TMEM26: variants seen among roughly 807,000 people sequenced by gnomAD.
TMEM26 encodes the protein transmembrane protein 26.
A neutral mutation model predicts 28.8 loss-of-function variants in TMEM26; 38 were observed. The ratio of observed to expected loss-of-function variants is 1.32; its 90% CI spans 1.02 to 1.73. The LOEUF is 1.73. Among genes scored for constraint, TMEM26 ranks in the 40% most tolerant of loss-of-function variants. TMEM26 has a pLI of 0.00. For missense variants in TMEM26, 518 were observed against 447.1 expected (o/e 1.16, Z -1.43); for synonymous variants, 227 against 182.9 (o/e 1.24, Z -1.95).
In TMEM26 at chr10:61,428,944, A is replaced by G. The variant is rs1321636784; in HGVS notation, c.587T>C (p.Leu196Pro). The change falls in exon 4 of 6, where the codon CTA (leucine) becomes CCA (proline). Residue 196 changes from leucine to proline, a missense_variant. Transcript: ENST00000399298. The stretch of plus-strand genomic sequence containing the variant: ...TGCTCACCTCACATTTTGTTCTTCT[A>G]GGGTCTCACTTGTGAATTCCAGTAT... ...ADILEFTSET[L>P]EEQNVRNSPA... 1 of 1,612,900 alleles carries G rather than the reference A, an allele frequency of 6.2e-7. No individual in the cohort carries two copies. Among genetic ancestry groups the G allele is most frequent in the South Asian group, 1.1e-5 (1 of 91,078 alleles).
chr10:61,413,895 G>A, intron 4 of TMEM26: 1 of 992,038 alleles, frequency 1.0e-6, no homozygotes, highest in South Asian at 4.7e-5. Flanking sequence ...AGGAATGTCA[G>A]TGGGAGGATT....
Position 61,436,201 on chromosome 10 carries a change from A to G in TMEM26, c.239T>C (p.Leu80Ser). The change falls in exon 2 of 6, where the codon TTA becomes TCA. Residue 80 changes from leucine (L) to serine (S), a missense_variant. Leu to Ser is a moderately radical substitution (Grantham distance 145). Coordinates refer to ENST00000399298, the MANE Select transcript of TMEM26 (RefSeq NM_178505.8). ...CTCATGGTGCAATTCAAGAAGCCAT[A>G]ATGATGGAACGATGCTAATCAGATA... ...FLYLISIVPS[L>S]WLLELHHETQ... 2 of 1,610,816 alleles carry G rather than the reference A, an allele frequency of 1.2e-6. No homozygotes were observed. Among genetic ancestry groups the G allele is most frequent in the South Asian group, 1.1e-5 (1 of 90,378 alleles).
At chr10:61,430,184 T>C (rs1461252725) in intron 3 of TMEM26, among the ~76,000 whole-genome samples, 3 of 152,040 alleles carry the variant, frequency 2.0e-5, no homozygotes, top group African/African-American at 4.8e-5. Context: ...AGAGAGAAAC[T>C]AAGCGATTGT....
chr10:61,410,420 G>A lies in TMEM26; in HGVS notation c.1009C>T (p.Pro337Ser), dbSNP rs1839549480. 1 of 1,613,872 alleles carries A rather than the reference G, an allele frequency of 6.2e-7. No individual in the cohort carries two copies. The highest frequency in any genetic ancestry group is 1.3e-5 in the African/African-American group (1 of 74,840). Residue 337 changes from proline to serine, a missense_variant, in exon 6 of 6, where the codon CCC (proline) becomes TCC (serine). Pro to Ser is a moderately conservative substitution (Grantham distance 74). Transcript: ENST00000399298. ...TCGTTCTGCCAGTCCCGCTGAGAGG[G>A]CCCACTCTCAGAGGTCTGTGCCCGG... Reference protein sequence around the residue: ...GCRAQTSESGPSQRDWQNESK... With the variant: ...GCRAQTSESGSSQRDWQNESK...
intron 1 of TMEM26, among the ~76,000 whole-genome samples, chr10:61,446,817 C>CAAAAAAAAAAAAA (rs34030340): frequency 3.8e-4 from 13 of 33,948 alleles, no homozygotes; most frequent in South Asian, 2.3e-3. Context: ...GACTCCATCT[C>CAAAAAAAAAAAAA]AAAAAAAAAA....
At chr10:61,442,715 A>T (rs931904385) in intron 1 of TMEM26, among the ~76,000 whole-genome samples, 1 of 152,160 alleles carries the variant, frequency 6.6e-6, no homozygotes, top group Non-Finnish European at 1.5e-5. Context: ...CCAGGTCATG[A>T]TATTCTTTTC....
Position 61,447,391 on chromosome 10 carries a change from T to C in TMEM26, c.191+5500A>G, listed in dbSNP as rs187832765. 5.2e-3 allele frequency among the ~76,000 whole-genome samples: 789 copies of C among 152,380 alleles called. 6 individuals are homozygous for C. The highest frequency in any genetic ancestry group is 9.0e-3 in the Admixed American group (138 of 15,308). ...TCACACAGTATGCATCTGTCAAGTCTAGGTTTTCAATTTCACTGCTGAACT... is the reference window on the plus strand; with the variant it reads ...TCACACAGTATGCATCTGTCAAGTCCAGGTTTTCAATTTCACTGCTGAACT... On this transcript the variant is annotated intron_variant, in intron 1 of 5. Transcript: ENST00000399298.
At chr10:61,445,234 G>C (rs1840160346) in intron 1 of TMEM26, among the ~76,000 whole-genome samples, 1 of 152,126 alleles carries the variant, frequency 6.6e-6, no homozygotes, top group Non-Finnish European at 1.5e-5. Flanking sequence ...CTAGTATTAA[G>C]AGACTGTCTG....
At position 61,429,009 on chromosome 10, in the gene TMEM26, G is replaced by C; in HGVS notation, c.522C>G (p.Leu174=). 1 of 1,613,324 alleles carries C rather than the reference G, an allele frequency of 6.2e-7. No individual in the cohort carries two copies. Among genetic ancestry groups the C allele is most frequent in the Middle Eastern group, 1.7e-4 (1 of 6,060 alleles). The change falls in exon 4 of 6, where the codon CTC becomes CTG. Residue 174 remains leucine, a synonymous_variant. Transcript: ENST00000399298. ...PIGGGITRDQ[L]SQLLLMFVGT... is the part of the protein sequence containing the mutation. ...CCACAAACATAAGAAGAAGTTGAGAGAGTTGATCTCGAGTGATCCCGCCTC... is the reference window on the plus strand; with the variant it reads ...CCACAAACATAAGAAGAAGTTGAGACAGTTGATCTCGAGTGATCCCGCCTC...
intron 1 of TMEM26, among the ~76,000 whole-genome samples, chr10:61,438,257 A>G (rs1430212334): frequency 6.6e-6 from 1 of 152,214 alleles, no homozygotes; most frequent in East Asian, 1.9e-4. Context: ...GTGAAGCTGT[A>G]GAGAGATATC....
At chr10:61,437,778 C>T (rs74967776) in intron 1 of TMEM26, among the ~76,000 whole-genome samples, 3,097 of 152,054 alleles carry the variant, frequency 0.02, 46 homozygotes, top group African/African-American at 0.029. Flanking sequence ...AGCAAGACTC[C>T]GTCTCAAGAA....
chr10:61,411,429 T>A (rs866088571), intron 5 of TMEM26, among the ~76,000 whole-genome samples: 1 of 152,256 alleles, frequency 6.6e-6, no homozygotes, highest in African/African-American at 2.4e-5. Context: ...TACGTGGCTC[T>A]GATCATTCTA....
chr10:61,450,846 C>T (rs1278245053), intron 1 of TMEM26, among the ~76,000 whole-genome samples: 47 of 151,974 alleles, frequency 3.1e-4, no homozygotes, highest in Non-Finnish European at 2.9e-5. Flanking sequence ...CTTGTGCGGA[C>T]ATAAAGTGTG....
In TMEM26 at chr10:61,436,200, T is replaced by A. The variant is rs760330505; in HGVS notation, c.240A>T (p.Leu80Phe). 1 of 1,610,130 alleles carries A rather than the reference T, an allele frequency of 6.2e-7. No homozygotes were observed. Among genetic ancestry groups the A allele is most frequent in the Admixed American group, 1.7e-5 (1 of 59,762 alleles). Reference protein sequence around the residue: ...FLYLISIVPSLWLLELHHETQ... With the variant: ...FLYLISIVPSFWLLELHHETQ... ...TCTCATGGTGCAATTCAAGAAGCCA[T>A]AATGATGGAACGATGCTAATCAGAT... The change falls in exon 2 of 6, where the codon TTA (leucine) becomes TTT (phenylalanine). Residue 80 changes from leucine (L) to phenylalanine (F), a missense_variant. Leu to Phe is a conservative substitution (Grantham distance 22). Transcript: ENST00000399298.
intron 4 of TMEM26, chr10:61,414,300 A>T (rs1263368653): frequency 6.5e-6 from 1 of 153,098 alleles, no homozygotes; most frequent in East Asian, 1.9e-4. Context: ...GGTCACATTT[A>T]TTTTTAGCAA....
intron 4 of TMEM26, among the ~76,000 whole-genome samples, chr10:61,419,157 G>A (rs1839702036): frequency 6.6e-6 from 1 of 152,100 alleles, no homozygotes; most frequent in African/African-American, 2.4e-5. Context: ...GCAACAAAAT[G>A]AGAAGCCTCA....
intron 1 of TMEM26, among the ~76,000 whole-genome samples, chr10:61,446,733 C>T (rs1342611822): frequency 2.3e-5 from 3 of 128,524 alleles, no homozygotes; most frequent in Non-Finnish European, 3.1e-5. Flanking sequence ...GCAGGGGAAT[C>T]GCTTGAATCC....
chr10:61,431,363 G>T, intron 2 of TMEM26, 31 bp from the exon 3 acceptor site: 1 of 1,538,956 alleles, frequency 6.5e-7, no homozygotes, highest in East Asian at 2.3e-5. Flanking sequence ...GGCAATTATG[G>T]CAAAAAATTA....
chr10:61,423,226 A>C (rs755878398), intron 4 of TMEM26, among the ~76,000 whole-genome samples: 2 of 152,178 alleles, frequency 1.3e-5, no homozygotes, highest in Non-Finnish European at 2.9e-5. Context: ...CCCACAAAAT[A>C]AACTTGGTCC....
Sources: allele counts gnomAD v4.1 joint callset (sites outside exome capture counted in the v4.1 genomes callset), GRCh38; gene constraint gnomAD v4.1.1; transcripts MANE v1.5; gene names NCBI Gene and HGNC (gene_info 2026-07-23, HGNC 2026-07-21).